SMARCAL1: variants seen among roughly 807,000 people sequenced by gnomAD.
SMARCAL1 encodes SNF2 related chromatin remodeling annealing helicase 1, also known as ATP-driven annealing helicase.
SMARCAL1 carries 58 observed loss-of-function variants against 94.5 expected under a neutral mutation model. That is an observed-to-expected ratio of 0.61 (90% confidence interval 0.50 to 0.76). The LOEUF (loss-of-function observed/expected upper bound fraction) is 0.76. Among genes scored for constraint, SMARCAL1 ranks in the 30% least tolerant of loss-of-function variants. SMARCAL1 has a pLI of 0.00. For missense variants in SMARCAL1, 1,051 were observed against 1,177.9 expected (o/e 0.89, Z 1.58); for synonymous variants, 422 against 455.1 (o/e 0.93, Z 0.93).
chr2:216,458,098 T>C (rs935146447), intron 12 of SMARCAL1, among the ~76,000 whole-genome samples: 1 of 152,180 alleles, frequency 6.6e-6, no homozygotes, highest in African/African-American at 2.4e-5. Flanking sequence ...AATGGATAAA[T>C]TCCTTGACAC....
intron 13 of SMARCAL1, among the ~76,000 whole-genome samples, chr2:216,466,073 C>A (rs2106074906): frequency 1.3e-5 from 2 of 152,232 alleles, no homozygotes; most frequent in South Asian, 4.2e-4. Flanking sequence ...CCCCCGCTGA[C>A]CCATTTCTCA....
chr2:216,414,795 G>C lies in SMARCAL1; in HGVS notation c.91G>C (p.Glu31Gln), dbSNP rs1159025927. The stretch of plus-strand genomic sequence containing the variant: ...CCGCAGAGCTGAGAAGTTATTGGCA[G>C]AACAGCATCAGAGGACTAGCTCGGG... ...LARRAEKLLA[E>Q]QHQRTSSGTS... Residue 31 changes from glutamate (E) to glutamine (Q), a missense_variant, in exon 3 of 18, where the codon GAA (glutamate) becomes CAA (glutamine). By Grantham distance (29) the Glu-to-Gln change is conservative. Around this residue, in one of 3 missense-constraint regions of SMARCAL1, gnomAD observed 398 missense variants for 395.2 expected, o/e 1.01. Transcript: ENST00000357276. 1.9e-6 allele frequency: 3 copies of C among 1,614,094 alleles called. No homozygotes were observed. The highest frequency in any genetic ancestry group is 2.5e-6 in the Non-Finnish European group (3 of 1,180,050).
intron 14 of SMARCAL1, among the ~76,000 whole-genome samples, chr2:216,471,382 G>GT (rs1207800086): frequency 2.7e-5 from 4 of 149,050 alleles, no homozygotes; most frequent in African/African-American, 9.9e-5. Flanking sequence ...TTGAGGTGGA[G>GT]TTTTTGCTCT....
At chr2:216,457,367 C>A (rs546138415) in intron 12 of SMARCAL1, among the ~76,000 whole-genome samples, 1 of 152,210 alleles carries the variant, frequency 6.6e-6, no homozygotes, top group African/African-American at 2.4e-5. Flanking sequence ...ACTCTCCACC[C>A]CAAATCAACA....
intron 12 of SMARCAL1, among the ~76,000 whole-genome samples, chr2:216,457,894 G>C (rs1195022629): frequency 6.6e-6 from 1 of 152,130 alleles, no homozygotes; most frequent in African/African-American, 2.4e-5. Context: ...AATGAATCCA[G>C]GAGCTGGTTT....
At chr2:216,440,757 T>A (rs2627046) in intron 10 of SMARCAL1, among the ~76,000 whole-genome samples, 37,210 of 152,124 alleles carry the variant, frequency 0.24, 5,617 homozygotes, top group Non-Finnish European at 0.32. Flanking sequence ...CATGGTACTG[T>A]TGACATTTTG....
In SMARCAL1 at chr2:216,414,726, G is replaced by T; in HGVS notation, c.22G>T (p.Glu8Ter). MSLPLTE[E>*]QRKKIEENRQ... ...GAAAATGTCCTTGCCTCTTACAGAGGAGCAGAGGAAAAAGATTGAAGAGAA... is the reference window on the plus strand; with the variant it reads ...GAAAATGTCCTTGCCTCTTACAGAGTAGCAGAGGAAAAAGATTGAAGAGAA... The change falls in exon 3 of 18, where the codon GAG becomes TAG. Residue 8 changes from glutamate to a stop codon, truncating the protein, a stop_gained. Transcript: ENST00000357276. LOFTEE classifies it high-confidence loss of function. 1 of 1,614,094 alleles carries T rather than the reference G, an allele frequency of 6.2e-7. No individual in the cohort carries two copies. Among genetic ancestry groups the T allele is most frequent in the South Asian group, 1.1e-5 (1 of 91,054 alleles).
Position 216,478,216 on chromosome 2 carries a change from GAGA to G in SMARCAL1, c.2546_2548del (p.Lys849del), listed in dbSNP as rs1695129626. 1 of 1,614,034 alleles carries G rather than the reference GAGA, an allele frequency of 6.2e-7. No individual in the cohort carries two copies. Among genetic ancestry groups the G allele is most frequent in the African/African-American group, 1.3e-5 (1 of 74,924 alleles). Reference sequence around the variant, plus strand: ...TCTCCCCAACAGGCCCCTGATTCAAGAGAAGATTAAAGTTCTGGCAGAAGCCGG... The same window carrying G: ...TCTCCCCAACAGGCCCCTGATTCAAGAGATTAAAGTTCTGGCAGAAGCCGG... On this transcript the variant is annotated inframe_deletion, in exon 17 of 18. Coordinates refer to ENST00000357276, the MANE Select transcript of SMARCAL1 (RefSeq NM_014140.4).
chr2:216,431,796 G>C (rs998765353), intron 7 of SMARCAL1, among the ~76,000 whole-genome samples: 2 of 152,196 alleles, frequency 1.3e-5, no homozygotes, highest in African/African-American at 4.8e-5. Context: ...CTGCACTTAA[G>C]GGCTTTAGGG....
Position 216,447,033 on chromosome 2 carries a change from A to T in SMARCAL1, c.1726A>T (p.Ile576Phe), listed in dbSNP as rs750915311. The change falls in exon 11 of 18, where the codon ATC becomes TTC. Residue 576 changes from isoleucine to phenylalanine, a missense_variant. Physicochemically the swap from Ile to Phe is conservative, Grantham distance 21. This residue lies in a region of SMARCAL1 where 642 missense variants were observed against 754.7 expected (regional missense o/e 0.85). Transcript: ENST00000357276. ...TGTCTTTTAGGTTGCCAAGAGGGTG[A>T]TCCTGTTGTCGGGCACACCAGCCAT... ...MPVLKVAKRV[I>F]LLSGTPAMSR... The T allele has an allele frequency of 6.2e-7, 1 of 1,613,922 alleles. No homozygotes were observed. The highest frequency in any genetic ancestry group is 1.1e-5 in the South Asian group (1 of 91,074).
chr2:216,464,255 A>G (rs1371603364), intron 12 of SMARCAL1, among the ~76,000 whole-genome samples: 1 of 152,180 alleles, frequency 6.6e-6, no homozygotes, highest in Non-Finnish European at 1.5e-5. Flanking sequence ...ATGCTTAGCC[A>G]AGGCCACATT....
chr2:216,419,902 C>T (rs57492326), intron 4 of SMARCAL1, among the ~76,000 whole-genome samples: 4 of 151,374 alleles, frequency 2.6e-5, no homozygotes, highest in East Asian at 3.9e-4. Context: ...TGGTGGTGCA[C>T]GCCTGTAGTC....
intron 10 of SMARCAL1, among the ~76,000 whole-genome samples, chr2:216,445,565 T>G (rs746718929): frequency 3.9e-5 from 6 of 151,978 alleles, no homozygotes; most frequent in Non-Finnish European, 7.3e-5. Flanking sequence ...AAGAATAGGT[T>G]TGGGGTGATG....
intron 5 of SMARCAL1, among the ~76,000 whole-genome samples, chr2:216,422,091 A>C (rs1218358450): frequency 6.6e-6 from 1 of 152,138 alleles, no homozygotes; most frequent in Admixed American, 6.5e-5. Context: ...GTGGCCCTTA[A>C]AAGGCAACTA....
intron 8 of SMARCAL1, among the ~76,000 whole-genome samples, chr2:216,433,934 A>C (rs574032328): frequency 2.5e-4 from 37 of 150,740 alleles, no homozygotes; most frequent in African/African-American, 8.7e-4. Context: ...AAAAAAAAAA[A>C]CACTAAAAAA....
chr2:216,468,638 A>G (rs1037623632), intron 14 of SMARCAL1, among the ~76,000 whole-genome samples: 1 of 152,230 alleles, frequency 6.6e-6, no homozygotes, highest in Non-Finnish European at 1.5e-5. Flanking sequence ...TTTATATAAC[A>G]TTTGAATGTA....
rs1267086696 is a variant in SMARCAL1 at position 216,447,070 on chromosome 2, C to T, written c.1763C>T (p.Ala588Val). The change falls in exon 11 of 18, where the codon GCA becomes GTA. Residue 588 changes from alanine to valine, a missense_variant. Ala to Val is a moderately conservative substitution (Grantham distance 64, BLOSUM62 0). Coordinates refer to ENST00000357276, the MANE Select transcript of SMARCAL1 (RefSeq NM_014140.4). ...GGCACACCAGCCATGTCCCGGCCCG[C>T]AGAGCTCTACACGCAGATCATCGCA... is the stretch of plus-strand genomic sequence containing the variant. ...LSGTPAMSRP[A>V]ELYTQIIAVK... is the part of the protein sequence containing the mutation. 6.2e-7 allele frequency: 1 copy of T among 1,613,918 alleles called. No homozygotes were observed. Among genetic ancestry groups the T allele is most frequent in the Non-Finnish European group, 8.5e-7 (1 of 1,180,020 alleles).
At chr2:216,462,848 G>C (rs563098361) in intron 12 of SMARCAL1, among the ~76,000 whole-genome samples, 2 of 152,064 alleles carry the variant, frequency 1.3e-5, no homozygotes, top group East Asian at 3.9e-4. Context: ...AAAAAAAGCT[G>C]GTGTGGTGGT....
chr2:216,436,029 C>T (rs1296233668), intron 9 of SMARCAL1, among the ~76,000 whole-genome samples: 1 of 152,150 alleles, frequency 6.6e-6, no homozygotes. Context: ...AGTGCAGTGG[C>T]GTGATCTCGG....
Sources: gnomAD v4.1 joint callset for allele counts (sites outside exome capture counted in the v4.1 genomes callset) on GRCh38, gnomAD v4.1.1 for gene constraint, gnomAD v4.1.1 regional missense constraint, MANE v1.5 for transcripts, NCBI Gene and HGNC (gene_info 2026-07-23, HGNC 2026-07-21) for gene names.